IL1RAP: variants seen among roughly 807,000 people sequenced by gnomAD.
IL1RAP encodes interleukin 1 receptor accessory protein.
In IL1RAP, 35 loss-of-function variants were observed where a neutral mutation model predicts 60.7. The observed-to-expected ratio is 0.58, with a 90% CI of 0.44 to 0.76. The LOEUF (loss-of-function observed/expected upper bound fraction) is 0.76. Among genes scored for constraint, IL1RAP ranks in the 30% least tolerant of loss-of-function variants. The pLI, the probability that IL1RAP is intolerant of heterozygous loss-of-function variation, is 0.00. For synonymous variants in IL1RAP, 268 were observed against 250.9 expected (o/e 1.07, Z -0.64); for missense variants, 572 against 693.9 (o/e 0.82, Z 1.97).
intron 3 of IL1RAP, among the ~76,000 whole-genome samples, chr3:190,591,826 A>G (rs902823616): frequency 1.3e-5 from 2 of 152,162 alleles, no homozygotes; most frequent in African/African-American, 2.4e-5. Flanking sequence ...CCCCACAAAA[A>G]CAAGCTAATG....
At chr3:190,615,021 G>A (rs1383522612) in intron 5 of IL1RAP, among the ~76,000 whole-genome samples, 1 of 151,678 alleles carries the variant, frequency 6.6e-6, no homozygotes, top group Non-Finnish European at 1.5e-5. Context: ...AAATGGGATA[G>A]GATTGGATTG....
chr3:190,637,055 C>T (rs748690277), intron 9 of IL1RAP, among the ~76,000 whole-genome samples: 4 of 152,064 alleles, frequency 2.6e-5, no homozygotes, highest in Non-Finnish European at 4.4e-5. Flanking sequence ...CTTACTATGG[C>T]GTATTTCCAT....
chr3:190,603,128 G>A (rs1487070723), intron 3 of IL1RAP, among the ~76,000 whole-genome samples: 1 of 152,090 alleles, frequency 6.6e-6, no homozygotes, highest in Non-Finnish European at 1.5e-5. Flanking sequence ...TTGGAGGGGT[G>A]GTAAGATAGA....
At chr3:190,548,139 T>C (rs1724549138) in intron 1 of IL1RAP, among the ~76,000 whole-genome samples, 1 of 152,190 alleles carries the variant, frequency 6.6e-6, no homozygotes, top group South Asian at 2.1e-4. Flanking sequence ...TGAAGACAGG[T>C]TCATTTCAGA....
intron 3 of IL1RAP, among the ~76,000 whole-genome samples, chr3:190,587,110 G>C (rs889067286): frequency 6.6e-6 from 1 of 152,134 alleles, no homozygotes; most frequent in African/African-American, 2.4e-5. Context: ...TCATATTATA[G>C]AGATGGACAG....
intron 4 of IL1RAP, among the ~76,000 whole-genome samples, chr3:190,606,770 G>C (rs1730363683): frequency 6.6e-6 from 1 of 152,090 alleles, no homozygotes; most frequent in East Asian, 1.9e-4. Context: ...CTGTTTTACT[G>C]AGGAAATGTC....
downstream of IL1RAP, among the ~76,000 whole-genome samples, chr3:190,653,810 T>C (rs1560249874): frequency 6.6e-6 from 1 of 152,200 alleles, no homozygotes; most frequent in Non-Finnish European, 1.5e-5. Context: ...TTAAAAATAA[T>C]AGCTCCTGTC....
At chr3:190,535,387 T>C (rs1723370790) in intron 1 of IL1RAP, among the ~76,000 whole-genome samples, 2 of 152,186 alleles carry the variant, frequency 1.3e-5, no homozygotes, top group Non-Finnish European at 2.9e-5. Flanking sequence ...GCAAGGAGAT[T>C]TGCTAGTTTT....
rs1734313411 is a variant in IL1RAP at position 190,650,206 on chromosome 3, G to T, written c.*1501G>T. On this transcript the variant is annotated 3_prime_UTR_variant, in exon 12 of 12. Transcript: ENST00000447382. ...GAATGTTTTTGTGTCAGTGTTTTCT[G>T]TACATATTATTTGTTAATTCACAGC... 2.0e-6 allele frequency: 2 copies of T among 984,138 alleles called. No homozygotes were observed. The highest frequency in any genetic ancestry group is 3.5e-5 in the African/African-American group (2 of 57,178). The allele number at this position is 984,138 out of a possible 1,614,324, so 61.0% of individuals were successfully genotyped here.
intron 1 of IL1RAP, among the ~76,000 whole-genome samples, chr3:190,515,997 C>T (rs1560129814): frequency 6.6e-6 from 1 of 152,254 alleles, no homozygotes; most frequent in Middle Eastern, 3.4e-3. Flanking sequence ...CCCTCCCACA[C>T]CCTTAACCCT....
In IL1RAP at chr3:190,538,959, T is replaced by C. The variant is rs970077630; in HGVS notation, c.-88-17171T>C. ...AAGTTTCCTGAAGCCTCCCCAGCCA[T>C]GCTGATTTGTGAGTCAATTAAACAT... On this transcript the variant is annotated intron_variant, in intron 1 of 11. Coordinates refer to ENST00000447382, the MANE Select transcript of IL1RAP (RefSeq NM_002182.4). Among the ~76,000 whole-genome samples, 6 of 152,172 alleles carry C rather than the reference T, an allele frequency of 3.9e-5. No homozygotes were observed. The South Asian group carries it at 1.2e-3, about 31-fold the overall frequency.
chr3:190,541,865 C>T (rs1723962924), intron 1 of IL1RAP, among the ~76,000 whole-genome samples: 2 of 152,096 alleles, frequency 1.3e-5, no homozygotes, highest in Admixed American at 6.6e-5. Context: ...TATCCTGTCT[C>T]TGGATGAGAA....
In IL1RAP at chr3:190,623,363, G is replaced by T. The variant is rs761230651; in HGVS notation, c.723G>T (p.Val241=). 2.8e-5 allele frequency: 45 copies of T among 1,613,174 alleles called. 1 individual carries two copies. In the South Asian group the frequency reaches 4.9e-4, roughly 18 times the overall value. Residue 241 remains valine, a synonymous_variant, in exon 7 of 12, where the codon GTG becomes GTT. Coordinates refer to ENST00000447382, the MANE Select transcript of IL1RAP (RefSeq NM_002182.4). ...VKVVGSPKNA[V]PPVIHSPNDH... ...ACACAGGCTCTCCAAAAAATGCAGTGCCCCCTGTGATCCATTCACCTAATG... is the reference window on the plus strand; with the variant it reads ...ACACAGGCTCTCCAAAAAATGCAGTTCCCCCTGTGATCCATTCACCTAATG...
intron 10 of IL1RAP, 82 bp from the exon 11 acceptor site, chr3:190,645,617 A>G: frequency 1.8e-6 from 2 of 1,101,494 alleles, no homozygotes; most frequent in Admixed American, 4.4e-5. Context: ...AATGTCTAAT[A>G]TGCAGAAGTT....
At chr3:190,628,966 G>A (rs942837211) in intron 8 of IL1RAP, among the ~76,000 whole-genome samples, 4 of 152,138 alleles carry the variant, frequency 2.6e-5, no homozygotes, top group South Asian at 2.1e-4. Context: ...CTCACCCAAA[G>A]TATATAGCCA....
At chr3:190,559,463 G>A (rs1490680549) in intron 2 of IL1RAP, among the ~76,000 whole-genome samples, 1 of 152,086 alleles carries the variant, frequency 6.6e-6, no homozygotes. Context: ...TAAAGTGGAA[G>A]ATTAGATTAT....
At chr3:190,629,572 T>C (rs1038391920) in intron 9 of IL1RAP, 74 bp downstream of exon 9, 12 of 1,522,156 alleles carry the variant, frequency 7.9e-6, no homozygotes, top group Admixed American at 2.2e-5. Context: ...AAAGGAGAGA[T>C]TGAGAACAAG....
chr3:190,576,840 G>A (rs1231546549), intron 3 of IL1RAP, among the ~76,000 whole-genome samples: 5 of 152,196 alleles, frequency 3.3e-5, no homozygotes, highest in African/African-American at 4.8e-5. Context: ...ATGGCCGGGC[G>A]CGGTGGCTCA....
rs139405112 is a variant in IL1RAP, at chr3:190,642,681, A to G, written c.1052-1567A>G. On this transcript the variant is annotated intron_variant, in intron 9 of 11. Coordinates refer to ENST00000447382, the MANE Select transcript of IL1RAP (RefSeq NM_002182.4). ...CACATTACCATGGTTTATTTCTCTT[A>G]TAGCACTAATCACTATTTAAAATTA... Among the ~76,000 whole-genome samples, 10 of 152,260 alleles carry G rather than the reference A, an allele frequency of 6.6e-5. No individual in the cohort carries two copies. The East Asian group carries it at 1.7e-3, about 26-fold the overall frequency.
Sources: gnomAD v4.1 joint callset for allele counts (sites outside exome capture counted in the v4.1 genomes callset) on GRCh38, gnomAD v4.1.1 for gene constraint, MANE v1.5 for transcripts, NCBI Gene and HGNC (gene_info 2026-07-23, HGNC 2026-07-21) for gene names.